BMPR1B: variants seen among roughly 807,000 people sequenced by gnomAD.
BMPR1B encodes bone morphogenetic protein receptor type-1B.
In BMPR1B, 12 loss-of-function variants were observed where a neutral mutation model predicts 59.1. The ratio of observed to expected loss-of-function variants is 0.20; its 90% CI spans 0.13 to 0.33. BMPR1B has a LOEUF of 0.33. Among genes scored for constraint, BMPR1B ranks in the 10% least tolerant of loss-of-function variants. The probability of loss-of-function intolerance (pLI) is 1.00; values close to 1 mark genes in which losing one functional copy is unlikely to be tolerated. For missense variants in BMPR1B, 550 were observed against 610.9 expected (o/e 0.90, Z 1.05); for synonymous variants, 237 against 207.3 (o/e 1.14, Z -1.23).
intron 3 of BMPR1B, among the ~76,000 whole-genome samples, chr4:95,045,159 A>G (rs777422783): frequency 5.9e-5 from 9 of 152,302 alleles, no homozygotes; most frequent in Admixed American, 2.0e-4. Context: ...ATTAGCAGGG[A>G]TGTTTACATG....
At chr4:94,913,153 C>G (rs1383557196) in intron 2 of BMPR1B, among the ~76,000 whole-genome samples, 1 of 152,026 alleles carries the variant, frequency 6.6e-6, no homozygotes, top group Non-Finnish European at 1.5e-5. Context: ...ATTGAAGAGT[C>G]TATTATGAAA....
chr4:94,792,720 A>G (rs1560486862), intron 1 of BMPR1B, among the ~76,000 whole-genome samples: 5 of 152,306 alleles, frequency 3.3e-5, no homozygotes, highest in Admixed American at 2.6e-4. Context: ...TTGTGACTTT[A>G]TGTTAGTTGA....
intron 3 of BMPR1B, among the ~76,000 whole-genome samples, chr4:95,062,364 C>T (rs1560625683): frequency 1.3e-5 from 2 of 152,092 alleles, no homozygotes; most frequent in Non-Finnish European, 2.9e-5. Context: ...ACTCTATATT[C>T]AACCACATTT....
chr4:94,837,109 T>C (rs997348144), intron 1 of BMPR1B, among the ~76,000 whole-genome samples: 22 of 145,488 alleles, frequency 1.5e-4, no homozygotes, highest in African/African-American at 4.1e-4. Context: ...TTCTGTTCCA[T>C]TGATCTATAT....
chr4:94,796,157 G>T (rs922065510), intron 1 of BMPR1B, among the ~76,000 whole-genome samples: 1 of 151,946 alleles, frequency 6.6e-6, no homozygotes, highest in African/African-American at 2.4e-5. Context: ...TAGAGATGGG[G>T]TTTCACCATG....
rs539052888 is a variant in BMPR1B at position 94,862,477 on chromosome 4, C to T, written c.-182-13354C>T. Among the ~76,000 whole-genome samples the T allele has an allele frequency of 8.0e-5, 12 of 150,726 alleles. No homozygotes were observed. The East Asian group carries it at 2.4e-3, about 30-fold the overall frequency. On this transcript the variant is annotated intron_variant, in intron 1 of 12. Coordinates refer to ENST00000515059, the MANE Select transcript of BMPR1B (RefSeq NM_001203.3). Reference sequence around the variant, plus strand: ...CAAATTTAAGTATAAATTTTGGAAACATATTTCTTAATGAAAAATTTTCAG... The same window carrying T: ...CAAATTTAAGTATAAATTTTGGAAATATATTTCTTAATGAAAAATTTTCAG...
chr4:94,849,178 G>T (rs973122215), intron 1 of BMPR1B, among the ~76,000 whole-genome samples: 1 of 152,092 alleles, frequency 6.6e-6, no homozygotes, highest in African/African-American at 2.4e-5. Context: ...GGAAGTTGGG[G>T]TAATAAATGA....
intron 1 of BMPR1B, among the ~76,000 whole-genome samples, chr4:94,835,120 T>A (rs928159214): frequency 2.0e-5 from 3 of 152,094 alleles, no homozygotes; most frequent in Non-Finnish European, 4.4e-5. Flanking sequence ...TAAAGATCTT[T>A]CTATAAGGTG....
intron 3 of BMPR1B, among the ~76,000 whole-genome samples, chr4:95,037,566 A>C (rs1239613997): frequency 1.3e-5 from 2 of 152,178 alleles, no homozygotes; most frequent in Non-Finnish European, 2.9e-5. Context: ...CTTTTAAATG[A>C]GTGAGGCTCT....
At chr4:94,933,132 T>C (rs750078118) in intron 2 of BMPR1B, among the ~76,000 whole-genome samples, 7 of 152,094 alleles carry the variant, frequency 4.6e-5, no homozygotes, top group Admixed American at 2.0e-4. Flanking sequence ...TCGTATGTAT[T>C]AGAATTAAGC....
chr4:95,112,800 G>C (rs901135158), intron 4 of BMPR1B, among the ~76,000 whole-genome samples: 1 of 152,044 alleles, frequency 6.6e-6, no homozygotes, highest in Non-Finnish European at 1.5e-5. Context: ...GCAGTAACTT[G>C]ACAATAGCTT....
chr4:95,079,471 T>C (rs185400876), intron 3 of BMPR1B, among the ~76,000 whole-genome samples: 39 of 129,110 alleles, frequency 3.0e-4, no homozygotes, highest in Non-Finnish European at 4.1e-4. Flanking sequence ...AATTAAGATA[T>C]CACATAAGAA....
intron 2 of BMPR1B, among the ~76,000 whole-genome samples, chr4:94,917,985 T>G (rs924367502): frequency 3.3e-5 from 5 of 152,056 alleles, no homozygotes; most frequent in African/African-American, 7.2e-5. Flanking sequence ...CTCACTCTCT[T>G]TCTCCTGCTT....
At chr4:95,011,015 AC>A (rs1351987473) in intron 3 of BMPR1B, among the ~76,000 whole-genome samples, 1 of 151,948 alleles carries the variant, frequency 6.6e-6, no homozygotes, top group Non-Finnish European at 1.5e-5. Flanking sequence ...TTTGTGAAAA[AC>A]CTTTAATTTA....
intron 1 of BMPR1B, among the ~76,000 whole-genome samples, chr4:94,874,909 C>T (rs936194154): frequency 9.2e-5 from 14 of 152,070 alleles, no homozygotes; most frequent in African/African-American, 1.2e-4. Context: ...AGGAGAATGG[C>T]GTGAACCCGG....
chr4:94,951,323 GT>G (rs746655303), intron 2 of BMPR1B, among the ~76,000 whole-genome samples: 2 of 152,178 alleles, frequency 1.3e-5, no homozygotes, highest in African/African-American at 2.4e-5. Context: ...AATAGGAATG[GT>G]GAGAGAGGGC....
chr4:94,777,519 A>G lies in BMPR1B; in HGVS notation c.-183+19451A>G, dbSNP rs1397890356. ...TGAGTTTTACTTAATAACTATAGGA[A>G]TGATTTAAAGGAAAAAAGCTATTAA... On this transcript the variant is annotated intron_variant, in intron 1 of 12. Coordinates refer to ENST00000515059, the MANE Select transcript of BMPR1B (RefSeq NM_001203.3). 3.9e-5 allele frequency among the ~76,000 whole-genome samples: 6 copies of G among 152,206 alleles called. No individual in the cohort carries two copies. In the East Asian group the frequency reaches 9.6e-4, roughly 24 times the overall value.
At chr4:95,096,716 C>CATATATAACTATACATAGTT (rs1560649767) in intron 3 of BMPR1B, among the ~76,000 whole-genome samples, 15 of 75,720 alleles carry the variant, frequency 2.0e-4, no homozygotes, top group Admixed American at 2.9e-4. Flanking sequence ...TATATAGAGG[C>CATATATAACTATACATAGTT]ATATATAACT....
chr4:94,973,021 G>T (rs1423054431), intron 2 of BMPR1B, among the ~76,000 whole-genome samples: 1 of 152,154 alleles, frequency 6.6e-6, no homozygotes, highest in Non-Finnish European at 1.5e-5. Context: ...TCAGCCCCTT[G>T]TGGGAGGGAG....
Sources: allele counts gnomAD v4.1 joint callset (sites outside exome capture counted in the v4.1 genomes callset), GRCh38; gene constraint gnomAD v4.1.1; transcripts MANE v1.5; gene names NCBI Gene and HGNC (gene_info 2026-07-23, HGNC 2026-07-21).